Variants in RAB31 observed in about 807,000 individuals in gnomAD.
The protein encoded by RAB31 is ras-related protein Rab-31.
In RAB31, 21 loss-of-function variants were observed where a neutral mutation model predicts 25.6. The observed-to-expected ratio is 0.82, with a 90% CI of 0.58 to 1.18. RAB31 has a LOEUF of 1.18. Among genes scored for constraint, RAB31 ranks in the 50% most tolerant of loss-of-function variants. The probability of loss-of-function intolerance (pLI) is 0.00; values close to 1 mark genes in which losing one functional copy is unlikely to be tolerated. For missense variants in RAB31, 196 were observed against 250.1 expected (o/e 0.78, Z 1.46); for synonymous variants, 87 against 84.0 (o/e 1.04, Z -0.20).
chr18:9,759,653 C>A (rs1347314876), intron 1 of RAB31, among the ~76,000 whole-genome samples: 2 of 151,966 alleles, frequency 1.3e-5, no homozygotes, highest in African/African-American at 4.8e-5. Flanking sequence ...TGATGAGGAC[C>A]AACAAGGTAT....
chr18:9,774,669 A>C (rs1409671573), intron 1 of RAB31, among the ~76,000 whole-genome samples: 1 of 152,230 alleles, frequency 6.6e-6, no homozygotes, highest in African/African-American at 2.4e-5. Context: ...AAATGCGTGC[A>C]TTGAATTTCC....
At chr18:9,783,911 A>G (rs2068418313) in intron 2 of RAB31, among the ~76,000 whole-genome samples, 2 of 152,268 alleles carry the variant, frequency 1.3e-5, no homozygotes, top group African/African-American at 4.8e-5. Context: ...AAGATTAATA[A>G]TGGTGAGGAA....
In RAB31 at chr18:9,845,650, C is replaced by CA. The variant is rs1395835754; in HGVS notation, c.455dup (p.Asn152LysfsTer4). ...GGTGCCATCGTGGTTGAGACAAGTG[C>CA]AAAAAATGCTATTAATATCGAAGAG... On this transcript the variant is annotated frameshift_variant, in exon 6 of 7. Coordinates refer to ENST00000578921, the MANE Select transcript of RAB31 (RefSeq NM_006868.4). LOFTEE classifies it high-confidence loss of function. 1.3e-6 allele frequency: 2 copies of CA among 1,566,334 alleles called. No homozygotes were observed. Among genetic ancestry groups the CA allele is most frequent in the Non-Finnish European group, 8.7e-7 (1 of 1,155,328 alleles).
At chr18:9,762,374 G>T (rs2068293708) in intron 1 of RAB31, among the ~76,000 whole-genome samples, 1 of 152,188 alleles carries the variant, frequency 6.6e-6, no homozygotes, top group African/African-American at 2.4e-5. Context: ...TTGGAGCGTG[G>T]TGCCTTGCTT....
intron 1 of RAB31, among the ~76,000 whole-genome samples, chr18:9,734,413 C>T (rs1243162253): frequency 6.6e-6 from 1 of 152,148 alleles, no homozygotes; most frequent in African/African-American, 2.4e-5. Flanking sequence ...TTCCTGAACA[C>T]GGACAGGAAG....
intron 1 of RAB31, among the ~76,000 whole-genome samples, chr18:9,733,682 G>A (rs1248961479): frequency 3.3e-5 from 5 of 152,282 alleles, no homozygotes; most frequent in Non-Finnish European, 5.9e-5. Flanking sequence ...TGGGACCACG[G>A]CCTTGGTTCC....
At chr18:9,801,431 G>A (rs1429932145) in intron 3 of RAB31, among the ~76,000 whole-genome samples, 4 of 152,124 alleles carry the variant, frequency 2.6e-5, no homozygotes, top group Non-Finnish European at 2.9e-5. Context: ...ACAGCCAGCT[G>A]CCACCATGCC....
intron 1 of RAB31, chr18:9,758,093 C>T (rs1474975604): frequency 6.6e-6 from 1 of 152,312 alleles, no homozygotes; most frequent in Non-Finnish European, 1.5e-5. Flanking sequence ...GATGGTAGCA[C>T]AGGGATCCCC....
intron 5 of RAB31, among the ~76,000 whole-genome samples, chr18:9,842,662 C>T (rs1191674598): frequency 6.6e-6 from 1 of 152,132 alleles, no homozygotes. Context: ...ACCCCAACTG[C>T]AGTGCATGTG....
Position 9,736,936 on chromosome 18 carries a change from G to A in RAB31, c.39+28492G>A, listed in dbSNP as rs1011833949. On this transcript the variant is annotated intron_variant, in intron 1 of 6. Transcript: ENST00000578921. ...TATTGGGTGGTAGGGGCAAGGACTC[G>A]TTATTTTTGTTTTCAAATATGTATT... is the stretch of plus-strand genomic sequence containing the variant. Among the ~76,000 whole-genome samples, 7 of 152,204 alleles carry A rather than the reference G, an allele frequency of 4.6e-5. No homozygotes were observed. In the South Asian group the frequency reaches 8.3e-4, roughly 18 times the overall value.
At chr18:9,857,283 A>G (rs765498754) in intron 6 of RAB31, among the ~76,000 whole-genome samples, 25 of 151,592 alleles carry the variant, frequency 1.6e-4, no homozygotes, top group Non-Finnish European at 2.7e-4. Context: ...TACACAATGT[A>G]TTATTACCTT....
chr18:9,749,914 T>G (rs1248816212), intron 1 of RAB31, among the ~76,000 whole-genome samples: 3 of 152,180 alleles, frequency 2.0e-5, no homozygotes, highest in Non-Finnish European at 4.4e-5. Context: ...GGTCCCAGCA[T>G]GAAAGCAGGG....
At chr18:9,782,330 TG>T (rs2068409512) in intron 2 of RAB31, among the ~76,000 whole-genome samples, 1 of 152,198 alleles carries the variant, frequency 6.6e-6, no homozygotes, top group African/African-American at 2.4e-5. Flanking sequence ...AGCCCACTCA[TG>T]GCTCACACCA....
intron 2 of RAB31, among the ~76,000 whole-genome samples, chr18:9,776,527 T>C (rs2068373014): frequency 6.6e-6 from 1 of 152,114 alleles, no homozygotes; most frequent in Non-Finnish European, 1.5e-5. Context: ...AGAAACATAC[T>C]CATGAAAATA....
At chr18:9,824,292 ATGTGTGTGTAGATGTGTATG>A (rs1239764169) in intron 5 of RAB31, among the ~76,000 whole-genome samples, 2 of 80,908 alleles carry the variant, frequency 2.5e-5, no homozygotes, top group Non-Finnish European at 6.3e-5. Context: ...ATGTGTGTGT[ATGTGTGTGTAGATGTGTATG>A]TGTGTGTAGA....
At chr18:9,780,253 T>C (rs541435075) in intron 2 of RAB31, among the ~76,000 whole-genome samples, 36 of 151,996 alleles carry the variant, frequency 2.4e-4, no homozygotes, top group Non-Finnish European at 4.6e-4. Flanking sequence ...GGAATCTTAG[T>C]GTACATACAG....
chr18:9,733,506 A>T (rs1327328029), intron 1 of RAB31, among the ~76,000 whole-genome samples: 2 of 152,172 alleles, frequency 1.3e-5, no homozygotes, highest in Non-Finnish European at 2.9e-5. Context: ...GTCCACAGGC[A>T]TTCTGGAAGC....
chr18:9,734,974 G>T, intron 1 of RAB31: 1 of 250,932 alleles, frequency 4.0e-6, no homozygotes, highest in East Asian at 1.1e-4. Flanking sequence ...GTGATGGGAG[G>T]AGCCTCTTGG....
chr18:9,730,760 TGTGAGATGCCCA>T (rs1395317931), intron 1 of RAB31, among the ~76,000 whole-genome samples: 1 of 152,194 alleles, frequency 6.6e-6, no homozygotes, highest in Non-Finnish European at 1.5e-5. Flanking sequence ...GTATTGTCAA[TGTGAGATGCCCA>T]GTGAGATGGA....
Sources: gnomAD v4.1 joint callset for allele counts (sites outside exome capture counted in the v4.1 genomes callset) on GRCh38, gnomAD v4.1.1 for gene constraint, MANE v1.5 for transcripts, NCBI Gene and HGNC (gene_info 2026-07-23, HGNC 2026-07-21) for gene names.